Variants in VAT1L observed in about 807,000 individuals in gnomAD.
VAT1L encodes the protein putative NADPH-dependent quinone oxidoreductase VAT1L.
Under a neutral mutation model 44.1 loss-of-function variants are expected in VAT1L, and 34 were observed. That is an observed-to-expected ratio of 0.77 (90% CI 0.59 to 1.03). VAT1L has a LOEUF of 1.03. Ranked by LOEUF, VAT1L falls within the 50% of genes least tolerant of loss-of-function variation. The pLI is 0.00. For synonymous variants in VAT1L, 253 were observed against 202.2 expected, an observed-to-expected ratio of 1.25 and a Z score of -2.13; for missense variants, 615 against 538.8, an observed-to-expected ratio of 1.14 and a Z score of -1.40.
intron 7 of VAT1L, among the ~76,000 whole-genome samples, chr16:77,885,478 T>C (rs933071573): frequency 1.3e-5 from 2 of 152,208 alleles, no homozygotes; most frequent in East Asian, 1.9e-4. Context: ...GTTTGGGCAT[T>C]TGGGGAGTCA....
intron 8 of VAT1L, among the ~76,000 whole-genome samples, chr16:77,972,546 T>C (rs1273000130): frequency 6.6e-6 from 1 of 152,146 alleles, no homozygotes; most frequent in Non-Finnish European, 1.5e-5. Flanking sequence ...TTGGGGAGGC[T>C]GAGGCGGGTG....
chr16:77,815,727 G>A (rs921948134), intron 1 of VAT1L, among the ~76,000 whole-genome samples: 9 of 151,856 alleles, frequency 5.9e-5, no homozygotes, highest in Non-Finnish European at 8.8e-5. Flanking sequence ...CCAGCAATTT[G>A]GGAGACCAAG....
At chr16:77,805,458 T>A (rs2016138179) in intron 1 of VAT1L, among the ~76,000 whole-genome samples, 2 of 152,228 alleles carry the variant, frequency 1.3e-5, no homozygotes. Flanking sequence ...TAATCAAACA[T>A]CTGCTTCTTT....
intron 7 of VAT1L, among the ~76,000 whole-genome samples, chr16:77,939,395 C>A (rs191237043): frequency 6.9e-6 from 1 of 144,624 alleles, no homozygotes; most frequent in Non-Finnish European, 1.5e-5. Context: ...CGGAGGCGGG[C>A]GGGGTGGGGA....
chr16:77,818,425 T>C (rs2016392261), intron 2 of VAT1L, among the ~76,000 whole-genome samples: 1 of 152,194 alleles, frequency 6.6e-6, no homozygotes, highest in Non-Finnish European at 1.5e-5. Context: ...ATTTACATTT[T>C]TTTGTCCCCA....
At chr16:77,882,723 C>A (rs1009835186) in intron 6 of VAT1L, among the ~76,000 whole-genome samples, 1 of 152,246 alleles carries the variant, frequency 6.6e-6, no homozygotes, top group African/African-American at 2.4e-5. Flanking sequence ...TGAGGCATTG[C>A]AGATACACTG....
At chr16:77,874,267 G>A (rs1028683791) in intron 4 of VAT1L, among the ~76,000 whole-genome samples, 4 of 152,080 alleles carry the variant, frequency 2.6e-5, no homozygotes, top group African/African-American at 7.2e-5. Context: ...TGGCTCAGGA[G>A]GGTGGGCTGG....
chr16:77,855,792 G>A (rs1303303321), intron 3 of VAT1L, among the ~76,000 whole-genome samples: 1 of 152,096 alleles, frequency 6.6e-6, no homozygotes, highest in Non-Finnish European at 1.5e-5. Context: ...AGCCAAGGCG[G>A]GCGGATCACG....
At chr16:77,910,403 T>C (rs1209025193) in intron 7 of VAT1L, among the ~76,000 whole-genome samples, 1 of 152,138 alleles carries the variant, frequency 6.6e-6, no homozygotes, top group Non-Finnish European at 1.5e-5. Context: ...CCAGGCGTGG[T>C]GGCTCATGCC....
chr16:77,898,344 A>G (rs1182835078), intron 7 of VAT1L, among the ~76,000 whole-genome samples: 1 of 152,216 alleles, frequency 6.6e-6, no homozygotes, highest in Non-Finnish European at 1.5e-5. Context: ...GGACACAGTT[A>G]TATCCATAAC....
At chr16:77,875,852 G>A (rs550702487) in intron 4 of VAT1L, among the ~76,000 whole-genome samples, 38 of 152,300 alleles carry the variant, frequency 2.5e-4, no homozygotes, top group African/African-American at 8.4e-4. Flanking sequence ...GAGGGAGGAA[G>A]GCCAGGCCCT....
chr16:77,907,023 A>G (rs774293856), intron 7 of VAT1L, among the ~76,000 whole-genome samples: 6 of 152,154 alleles, frequency 3.9e-5, no homozygotes, highest in Admixed American at 6.6e-5. Flanking sequence ...CAGCAGAGAA[A>G]ACTCCCAATT....
intron 7 of VAT1L, among the ~76,000 whole-genome samples, chr16:77,959,302 G>T (rs539301160): frequency 6.6e-6 from 1 of 152,112 alleles, no homozygotes; most frequent in South Asian, 2.1e-4. Flanking sequence ...TGGGGCTCAC[G>T]CACTTTAGAC....
chr16:77,927,408 A>G (rs368740098), intron 7 of VAT1L, among the ~76,000 whole-genome samples: 34 of 152,010 alleles, frequency 2.2e-4, no homozygotes, highest in African/African-American at 7.2e-4. Context: ...TACTTTACAG[A>G]TGAAGAAACT....
chr16:77,799,025 C>T (rs1384811521), intron 1 of VAT1L, among the ~76,000 whole-genome samples: 1 of 152,082 alleles, frequency 6.6e-6, no homozygotes, highest in Non-Finnish European at 1.5e-5. Context: ...CAATGAGCTT[C>T]CTTCCCGAGG....
In VAT1L at chr16:77,977,728, G is replaced by T. The variant is rs1567528799; in HGVS notation, c.*33G>T. 6.2e-7 allele frequency: 1 copy of T among 1,603,184 alleles called. No individual in the cohort carries two copies. The highest frequency in any genetic ancestry group is 1.3e-5 in the African/African-American group (1 of 74,794). On this transcript the variant is annotated 3_prime_UTR_variant, in exon 9 of 9. Coordinates refer to ENST00000302536, the MANE Select transcript of VAT1L (RefSeq NM_020927.3). ...CCCAGGTGGGAGAATGTGAAGGATGGTTTGGAAGATGAGGACCCGGCTGAG... is the reference window on the plus strand; with the variant it reads ...CCCAGGTGGGAGAATGTGAAGGATGTTTTGGAAGATGAGGACCCGGCTGAG...
intron 3 of VAT1L, among the ~76,000 whole-genome samples, chr16:77,840,836 T>C (rs1398672542): frequency 6.6e-6 from 1 of 152,192 alleles, no homozygotes; most frequent in Non-Finnish European, 1.5e-5. Flanking sequence ...ATTTAATGCA[T>C]AGGGTCTAGA....
chr16:77,979,691 A>G lies in VAT1L; in HGVS notation c.*1996A>G, dbSNP rs1128690. 39,303 of 152,312 alleles carry G rather than the reference A, an allele frequency of 0.26. 6,521 individuals carry two copies. The highest frequency in any genetic ancestry group is 0.35 in the Non-Finnish European group (23,950 of 67,964). The allele number at this position is 152,312 out of a possible 1,614,324, so 9.4% of individuals were successfully genotyped here. A position where few individuals can be genotyped will look rare whatever the true frequency, so the allele number is the denominator to read the frequency against. ...GGCACTCTCCCCCACCACCCCTACCAAATCTGGGTTTGGTTTGGTTTTATT... is the reference window on the plus strand; with the variant it reads ...GGCACTCTCCCCCACCACCCCTACCGAATCTGGGTTTGGTTTGGTTTTATT... On this transcript the variant is annotated 3_prime_UTR_variant, in exon 9 of 9. Transcript: ENST00000302536.
chr16:77,958,455 C>G (rs899134860), intron 7 of VAT1L, among the ~76,000 whole-genome samples: 1 of 152,172 alleles, frequency 6.6e-6, no homozygotes, highest in Non-Finnish European at 1.5e-5. Context: ...ATCCTCTTCC[C>G]CAGGTCTCAC....
Sources: allele counts gnomAD v4.1 joint callset (sites outside exome capture counted in the v4.1 genomes callset), GRCh38; gene constraint gnomAD v4.1.1; transcripts MANE v1.5; gene names NCBI Gene and HGNC (gene_info 2026-07-23, HGNC 2026-07-21).